NBEA: variants seen among roughly 807,000 people sequenced by gnomAD.
NBEA encodes the protein neurobeachin, also known as lysosomal-trafficking regulator 2.
Under a neutral mutation model 343.4 loss-of-function variants are expected in NBEA, and 44 were observed. The observed-to-expected ratio is 0.13, with a 90% CI of 0.10 to 0.16. The LOEUF is 0.16. NBEA is among the 10% of genes least tolerant of loss of function. NBEA has a pLI of 1.00. For missense variants in NBEA, 2,555 were observed against 3,631.3 expected (o/e 0.70, Z 7.62); for synonymous variants, 1,175 against 1,238.7 (o/e 0.95, Z 1.08).
chr13:35,182,252 A>G, intron 28 of NBEA, 108 bp from the exon 29 acceptor site: 1 of 650,426 alleles, frequency 1.5e-6, no homozygotes, highest in African/African-American at 1.9e-5. Flanking sequence ...TAAAAGTTAC[A>G]TATCATATTT....
intron 38 of NBEA, among the ~76,000 whole-genome samples, chr13:35,399,521 A>T (rs978102691): frequency 6.6e-6 from 1 of 152,094 alleles, no homozygotes; most frequent in East Asian, 1.9e-4. Flanking sequence ...CATGGGGTAA[A>T]CTGCACCCAT....
At chr13:35,058,982 T>C in intron 8 of NBEA, 119 bp downstream of exon 8, 1 of 840,176 alleles carries the variant, frequency 1.2e-6, no homozygotes, top group Non-Finnish European at 1.7e-6. Flanking sequence ...TTTTTTGGAA[T>C]GTAGTCAAGT....
chr13:35,134,702 T>C (rs1566341435), intron 17 of NBEA, among the ~76,000 whole-genome samples: 1 of 151,818 alleles, frequency 6.6e-6, no homozygotes, highest in Non-Finnish European at 1.5e-5. Flanking sequence ...TACAATAAAG[T>C]AAAGTAGGAA....
At chr13:35,093,801 C>T (rs1038476202) in intron 10 of NBEA, among the ~76,000 whole-genome samples, 9 of 151,910 alleles carry the variant, frequency 5.9e-5, no homozygotes, top group Admixed American at 4.6e-4. Context: ...AAAGTGACTA[C>T]AACATTTAGT....
chr13:35,381,778 G>T (rs1449317649), intron 38 of NBEA, among the ~76,000 whole-genome samples: 1 of 151,892 alleles, frequency 6.6e-6, no homozygotes, highest in Non-Finnish European at 1.5e-5. Flanking sequence ...AATCAGAACT[G>T]GGAGTTCATA....
chr13:35,108,811 C>T (rs61947418), intron 11 of NBEA, among the ~76,000 whole-genome samples: 1,551 of 152,042 alleles, frequency 0.01, 19 homozygotes, highest in Non-Finnish European at 0.015. Flanking sequence ...TTATATGAAG[C>T]TGTGAAAGCA....
rs1353956842 is a variant in NBEA, at chr13:35,452,204, G to T, written c.6417G>T (p.Leu2139=). The change falls in exon 40 of 59, where the codon CTG becomes CTT. Residue 2139 remains leucine, a synonymous_variant. Coordinates refer to ENST00000379939, the MANE Select transcript of NBEA (RefSeq NM_001385012.1). ...MLEGDDDAVS[L]LQEKEIDNLA... Reference sequence around the variant, plus strand: ...AAGGAGACGATGATGCAGTCAGTCTGCTACAGGAGAAAGAAATTGACAACC... The same window carrying T: ...AAGGAGACGATGATGCAGTCAGTCTTCTACAGGAGAAAGAAATTGACAACC... 1 of 1,593,794 alleles carries T rather than the reference G, an allele frequency of 6.3e-7. No homozygotes were observed. Among genetic ancestry groups the T allele is most frequent in the Admixed American group, 1.8e-5 (1 of 56,476 alleles).
intron 33 of NBEA, among the ~76,000 whole-genome samples, chr13:35,212,758 A>T (rs1566466866): frequency 6.6e-6 from 1 of 152,072 alleles, no homozygotes. Flanking sequence ...TTGTATTTTT[A>T]GTTTGCATTC....
At chr13:35,590,481 C>T (rs1030685511) in intron 46 of NBEA, among the ~76,000 whole-genome samples, 5 of 151,978 alleles carry the variant, frequency 3.3e-5, no homozygotes, top group South Asian at 2.1e-4. Context: ...ACTTTGTTAC[C>T]GGAAATAAAT....
chr13:35,198,505 A>G (rs887831775), intron 31 of NBEA, among the ~76,000 whole-genome samples: 2 of 152,190 alleles, frequency 1.3e-5, no homozygotes, highest in East Asian at 1.9e-4. Flanking sequence ...CTGAGTGCTA[A>G]TATTCTTAGC....
intron 36 of NBEA, among the ~76,000 whole-genome samples, chr13:35,314,094 G>A (rs937527921): frequency 6.6e-6 from 1 of 152,096 alleles, no homozygotes; most frequent in African/African-American, 2.4e-5. Context: ...CTGAGAAAGG[G>A]TGAAGACAAT....
At chr13:35,114,853 T>G (rs984574228) in intron 13 of NBEA, among the ~76,000 whole-genome samples, 1 of 152,312 alleles carries the variant, frequency 6.6e-6, no homozygotes, top group East Asian at 1.9e-4. Flanking sequence ...TGACTTGAAG[T>G]ATATACTTTT....
chr13:35,620,588 G>C (rs2082939387), intron 48 of NBEA, among the ~76,000 whole-genome samples: 1 of 152,150 alleles, frequency 6.6e-6, no homozygotes, highest in African/African-American at 2.4e-5. Flanking sequence ...TGAGTAAAAT[G>C]TAAAGTCCTT....
In NBEA at chr13:35,069,963, A is replaced by C; in HGVS notation, c.1295A>C (p.Gln432Pro). The C allele has an allele frequency of 1.9e-6, 3 of 1,600,684 alleles. No individual in the cohort carries two copies. The highest frequency in any genetic ancestry group is 2.6e-6 in the Non-Finnish European group (3 of 1,173,444). Residue 432 changes from glutamine (Q) to proline (P), a missense_variant, in exon 9 of 59, where the codon CAG (glutamine) becomes CCG (proline). Physicochemically the swap from Gln to Pro is moderately conservative, Grantham distance 76 (BLOSUM62 -1). Coordinates refer to ENST00000379939, the MANE Select transcript of NBEA (RefSeq NM_001385012.1). ...SDIHLAEHHK[Q>P]VLYDGKLASS... Reference sequence around the variant, plus strand: ...ATTCATTTGGCAGAACATCATAAACAGGTGTTATATGATGGGAAACTTGCA... The same window carrying C: ...ATTCATTTGGCAGAACATCATAAACCGGTGTTATATGATGGGAAACTTGCA...
intron 34 of NBEA, among the ~76,000 whole-genome samples, chr13:35,269,201 G>A (rs953685736): frequency 1.3e-5 from 2 of 152,096 alleles, no homozygotes; most frequent in Non-Finnish European, 2.9e-5. Context: ...ATCACAAGTT[G>A]GAGGTCATCT....
At chr13:35,400,905 T>A (rs2042973606) in intron 38 of NBEA, among the ~76,000 whole-genome samples, 1 of 151,880 alleles carries the variant, frequency 6.6e-6, no homozygotes, top group South Asian at 2.1e-4. Flanking sequence ...TCAGAGTGGC[T>A]GTACTCCGAG....
intron 41 of NBEA, among the ~76,000 whole-genome samples, chr13:35,512,242 A>G (rs1441581188): frequency 6.6e-6 from 1 of 152,180 alleles, no homozygotes; most frequent in East Asian, 1.9e-4. Flanking sequence ...GCTGCATGAA[A>G]CAGTATTTTT....
At position 35,646,328 on chromosome 13, in the gene NBEA, C is replaced by T. The variant is rs1454452007; in HGVS notation, c.7750C>T (p.Arg2584Trp). The change falls in exon 51 of 59, where the codon CGG becomes TGG. Residue 2584 changes from arginine to tryptophan, a missense_variant. Coordinates refer to ENST00000379939, the MANE Select transcript of NBEA (RefSeq NM_001385012.1). ...GTTGCTTATTGAGCCACATCCGCCT[C>T]GGAGCTCTGCCATGCACCTGGTAAG... is the stretch of plus-strand genomic sequence containing the variant. The part of the protein sequence containing the change: ...SQLLIEPHPP[R>W]SSAMHLCFLP... 1.9e-6 allele frequency: 3 copies of T among 1,613,366 alleles called. No individual in the cohort carries two copies. The highest frequency in any genetic ancestry group is 2.5e-6 in the Non-Finnish European group (3 of 1,179,586).
chr13:35,538,812 G>A (rs2078675932), intron 41 of NBEA, among the ~76,000 whole-genome samples: 1 of 152,212 alleles, frequency 6.6e-6, no homozygotes, highest in South Asian at 2.1e-4. Context: ...TGGATTTTGT[G>A]TTCCCACATT....
Sources: gnomAD v4.1 joint callset for allele counts (sites outside exome capture counted in the v4.1 genomes callset) on GRCh38, gnomAD v4.1.1 for gene constraint, MANE v1.5 for transcripts, NCBI Gene and HGNC (gene_info 2026-07-23, HGNC 2026-07-21) for gene names.